The following SNX8 variants were observed in gnomAD, a reference collection of about 807,000 sequenced individuals.
SNX8 encodes the protein sorting nexin 8, also known as sorting nexin-8.
Under a neutral mutation model 51.6 loss-of-function variants are expected in SNX8, and 25 were observed. That is an observed-to-expected ratio of 0.48 (90% CI 0.35 to 0.68). The LOEUF (loss-of-function observed/expected upper bound fraction) is 0.68, where lower values mean the gene tolerates loss of function less well. Among genes scored for constraint, SNX8 ranks in the 30% least tolerant of loss-of-function variants. The pLI, the probability that SNX8 is intolerant of heterozygous loss-of-function variation, is 0.00. For missense variants in SNX8, 695 were observed against 624.0 expected (o/e 1.11, Z -1.21); for synonymous variants, 324 against 277.0 (o/e 1.17, Z -1.68).
chr7:2,264,374 G>A lies in SNX8; in HGVS notation c.706C>T (p.Arg236Cys), dbSNP rs147170244. 178 of 1,612,930 alleles carry A rather than the reference G, an allele frequency of 1.1e-4. No individual in the cohort carries two copies. Among genetic ancestry groups the A allele is most frequent in the Non-Finnish European group, 1.4e-4 (163 of 1,179,984 alleles). Residue 236 changes from arginine (R) to cysteine (C), a missense_variant, in exon 6 of 11, where the codon CGC (arginine) becomes TGC (cysteine). Coordinates refer to ENST00000222990, the MANE Select transcript of SNX8 (RefSeq NM_013321.4). Reference sequence around the variant, plus strand: ...GATGCGATCCGCTCGGCCCTGTCGCGAAGCTTGTGAAAGCTATTGTAGATG... The same window carrying A: ...GATGCGATCCGCTCGGCCCTGTCGCAAAGCTTGTGAAAGCTATTGTAGATG... ...RNIYNSFHKLRDRAERIASRA... is the reference protein window; with the variant it reads ...RNIYNSFHKLCDRAERIASRA...
intron 5 of SNX8, among the ~76,000 whole-genome samples, chr7:2,269,082 T>C (rs1478728461): frequency 7.3e-6 from 1 of 136,870 alleles, no homozygotes; most frequent in Middle Eastern, 3.7e-3. Flanking sequence ...CTTTGTGGAA[T>C]AGAAAGGCGG....
intron 1 of SNX8, among the ~76,000 whole-genome samples, chr7:2,319,675 T>C (rs879839491): frequency 2.0e-5 from 3 of 151,904 alleles, no homozygotes; most frequent in Non-Finnish European, 4.4e-5. Context: ...ATTAGCTGGG[T>C]GTGGTGGCGG....
intron 1 of SNX8, among the ~76,000 whole-genome samples, chr7:2,301,262 CTGCTCA>C (rs1215766834): frequency 6.6e-6 from 1 of 152,208 alleles, no homozygotes; most frequent in Non-Finnish European, 1.5e-5. Context: ...CCAGGCCACA[CTGCTCA>C]TGTCCCAGCT....
intron 1 of SNX8, among the ~76,000 whole-genome samples, chr7:2,287,743 A>G (rs1442864287): frequency 2.6e-5 from 4 of 152,106 alleles, no homozygotes; most frequent in South Asian, 2.1e-4. Context: ...ACAGAGTGAG[A>G]CTCCGTCTCA....
chr7:2,257,402 G>T lies in SNX8; in HGVS notation c.1097C>A (p.Pro366Gln). 1 of 1,610,376 alleles carries T rather than the reference G, an allele frequency of 6.2e-7. No individual in the cohort carries two copies. The highest frequency in any genetic ancestry group is 8.5e-7 in the Non-Finnish European group (1 of 1,179,602). Residue 366 changes from proline (P) to glutamine (Q), a missense_variant, in exon 9 of 11, where the codon CCG becomes CAG. Physicochemically the swap from Pro to Gln is moderately conservative, Grantham distance 76. Coordinates refer to ENST00000222990, the MANE Select transcript of SNX8 (RefSeq NM_013321.4). Reference sequence around the variant, plus strand: ...GGACTCCAGCTGCTCCACGGACTCCGGCTCGCGGTTCTGCGCGGTGGCGCT... The same window carrying T: ...GGACTCCAGCTGCTCCACGGACTCCTGCTCGCGGTTCTGCGCGGTGGCGCT... The part of the protein sequence containing the change: ...MMSATAQNRE[P>Q]ESVEQLESRI...
At chr7:2,287,885 G>A (rs1283266516) in intron 1 of SNX8, 4 of 151,654 alleles carry the variant, frequency 2.6e-5, no homozygotes, top group Non-Finnish European at 5.9e-5. Flanking sequence ...ACTCCTGCCT[G>A]GGCGAGCAGA....
intron 1 of SNX8, among the ~76,000 whole-genome samples, chr7:2,337,697 G>A (rs2895183): frequency 0.51 from 76,895 of 151,472 alleles, 19,789 homozygotes; most frequent in East Asian, 0.76. Flanking sequence ...GAAAGATTGA[G>A]AATTAATTAG....
At chr7:2,269,322 C>G (rs1006774213) in intron 5 of SNX8, among the ~76,000 whole-genome samples, 4 of 150,796 alleles carry the variant, frequency 2.7e-5, no homozygotes, top group Non-Finnish European at 5.9e-5. Flanking sequence ...GCAGCATGCT[C>G]GTTAAGAGTC....
At chr7:2,277,921 G>A (rs1015702259) in intron 2 of SNX8, among the ~76,000 whole-genome samples, 179 bp downstream of exon 2, 91 of 152,224 alleles carry the variant, frequency 6.0e-4, no homozygotes, top group African/African-American at 2.1e-3. Context: ...GGGGAGCAGA[G>A]GTGTGGAAAA....
intron 1 of SNX8, among the ~76,000 whole-genome samples, chr7:2,342,497 A>G (rs1251164295): frequency 6.6e-6 from 1 of 151,994 alleles, no homozygotes; most frequent in Admixed American, 6.6e-5. Flanking sequence ...GTACTAAAAA[A>G]TACAAAAATC....
chr7:2,321,618 A>G (rs59455908), intron 1 of SNX8, among the ~76,000 whole-genome samples: 45,892 of 148,798 alleles, frequency 0.31, 7,297 homozygotes, highest in Middle Eastern at 0.47. Context: ...AGCAGAGACA[A>G]GGTTTCACTG....
intron 1 of SNX8, among the ~76,000 whole-genome samples, chr7:2,337,446 C>CACGAA (rs1778851564): frequency 6.6e-6 from 1 of 150,746 alleles, no homozygotes. Flanking sequence ...AAGACCCTGT[C>CACGAA]ACAAAACAAA....
intron 1 of SNX8, among the ~76,000 whole-genome samples, chr7:2,283,688 C>A (rs1230026991): frequency 1.3e-5 from 2 of 152,206 alleles, no homozygotes; most frequent in Non-Finnish European, 2.9e-5. Context: ...GCTAAATTCC[C>A]CAAAGTGGGT....
At chr7:2,310,725 C>T (rs568138671) in intron 1 of SNX8, among the ~76,000 whole-genome samples, 29 of 151,880 alleles carry the variant, frequency 1.9e-4, no homozygotes, top group South Asian at 1.0e-3. Context: ...GAGCCAAGAT[C>T]GCACCACTGC....
intron 1 of SNX8, among the ~76,000 whole-genome samples, chr7:2,347,029 G>A (rs1307491029): frequency 6.6e-6 from 1 of 151,942 alleles, no homozygotes; most frequent in Non-Finnish European, 1.5e-5. Context: ...TCATAGGGCA[G>A]AAAGTCAAAT....
In SNX8 at chr7:2,321,958, A is replaced by C. The variant is rs187972963; in HGVS notation, c.-66+32264T>G. ...AAACTGGTCTCGAACTCCTGGCCTCAGGTGATCTGCCGCCTAAGCCTCCCA... is the reference window on the plus strand; with the variant it reads ...AAACTGGTCTCGAACTCCTGGCCTCCGGTGATCTGCCGCCTAAGCCTCCCA... On this transcript the variant is annotated intron_variant, in intron 1 of 5. Transcript: ENST00000435336. Among the ~76,000 whole-genome samples, 135 of 144,138 alleles carry C rather than the reference A, an allele frequency of 9.4e-4. 1 individual carries two copies. The highest frequency in any genetic ancestry group is 9.9e-3 in the Middle Eastern group (2 of 202). 94.6% of individuals were successfully genotyped at this position (144,138 alleles called of 152,430 possible).
intron 9 of SNX8, 96 bp from the exon 10 acceptor site, chr7:2,257,119 CT>C (rs1301402120): frequency 4.0e-5 from 56 of 1,395,022 alleles, no homozygotes; most frequent in Non-Finnish European, 5.0e-5. Context: ...AGGGCGGCCC[CT>C]TCTCCTTCAG....
intron 1 of SNX8, among the ~76,000 whole-genome samples, chr7:2,352,272 T>C (rs1237567645): frequency 6.6e-6 from 1 of 152,100 alleles, no homozygotes; most frequent in African/African-American, 2.4e-5. Flanking sequence ...CTCGTCCACT[T>C]TGACTTCATC....
chr7:2,353,932 C>T (rs1443445142), intron 1 of SNX8, among the ~76,000 whole-genome samples: 1 of 152,166 alleles, frequency 6.6e-6, no homozygotes, highest in African/African-American at 2.4e-5. Flanking sequence ...AGACATCCCC[C>T]AACCAGTGGT....
Sources: gnomAD v4.1 joint callset for allele counts (sites outside exome capture counted in the v4.1 genomes callset) on GRCh38, gnomAD v4.1.1 for gene constraint, MANE v1.5 for transcripts, NCBI Gene and HGNC (gene_info 2026-07-23, HGNC 2026-07-21) for gene names.